Variants in ADGRA3 observed in about 807,000 individuals in gnomAD.
The protein encoded by ADGRA3 is adhesion G protein-coupled receptor A3.
A neutral mutation model predicts 119.8 loss-of-function variants in ADGRA3; 56 were observed. The ratio of observed to expected loss-of-function variants is 0.47; its 90% CI spans 0.38 to 0.58. The LOEUF (loss-of-function observed/expected upper bound fraction) is 0.58, where lower values mean the gene tolerates loss of function less well. Ranked by LOEUF, ADGRA3 falls within the 20% of genes least tolerant of loss-of-function variation. ADGRA3 has a pLI of 0.00. For synonymous variants in ADGRA3, 607 were observed against 623.8 expected (o/e 0.97, Z 0.40); for missense variants, 1,516 against 1,649.0 (o/e 0.92, Z 1.40).
intron 1 of ADGRA3, among the ~76,000 whole-genome samples, chr4:22,509,996 C>T (rs1719391268): frequency 1.7e-5 from 2 of 118,934 alleles, no homozygotes; most frequent in Admixed American, 1.1e-4. Context: ...GGCGACAGAG[C>T]GAGACTCCGT....
chr4:22,471,214 G>C (rs1717848781), intron 2 of ADGRA3, among the ~76,000 whole-genome samples: 2 of 152,138 alleles, frequency 1.3e-5, no homozygotes, highest in Non-Finnish European at 2.9e-5. Flanking sequence ...CACAGGAACA[G>C]AAAACCAACT....
chr4:22,429,130 A>G (rs1409256252), intron 10 of ADGRA3, among the ~76,000 whole-genome samples: 6 of 152,210 alleles, frequency 3.9e-5, no homozygotes, highest in Non-Finnish European at 8.8e-5. Context: ...AAAAAAACTG[A>G]ACAATAAATT....
chr4:22,483,925 C>T (rs1426498684), intron 1 of ADGRA3, among the ~76,000 whole-genome samples: 2 of 152,170 alleles, frequency 1.3e-5, no homozygotes, highest in African/African-American at 4.8e-5. Context: ...CAGGTCACAA[C>T]TGGTAAGCTG....
chr4:22,466,304 C>T (rs1352532501), intron 2 of ADGRA3, among the ~76,000 whole-genome samples: 1 of 152,186 alleles, frequency 6.6e-6, no homozygotes, highest in Non-Finnish European at 1.5e-5. Context: ...CCTCTCACCT[C>T]TAGACCTCTG....
Position 22,442,646 on chromosome 4 carries a change from T to G in ADGRA3, c.920+4A>C, listed in dbSNP as rs1311463741. 6.2e-7 allele frequency: 1 copy of G among 1,600,504 alleles called. No individual in the cohort carries two copies. Among genetic ancestry groups the G allele is most frequent in the East Asian group, 2.2e-5 (1 of 44,762 alleles). ...CTTCATTCAAAAAAAAAAAAAAAGT[T>G]TACCTTGCAATCAAGGAGCAGTTGT... On this transcript the variant is annotated splice_donor_region_variant and intron_variant, in intron 7 of 18. Coordinates refer to ENST00000334304, the MANE Select transcript of ADGRA3 (RefSeq NM_145290.4).
At chr4:22,497,274 A>C (rs1331300079) in intron 1 of ADGRA3, among the ~76,000 whole-genome samples, 1 of 152,220 alleles carries the variant, frequency 6.6e-6, no homozygotes, top group African/African-American at 2.4e-5. Context: ...CACACTGTCC[A>C]TAAAGTCTGG....
At chr4:22,398,028 G>A (rs1714440241) in intron 16 of ADGRA3, 3 of 974,212 alleles carry the variant, frequency 3.1e-6, no homozygotes, top group Non-Finnish European at 3.7e-6. Flanking sequence ...TGAAGAAGAG[G>A]AGAAAGACTG....
At position 22,389,101 on chromosome 4, in the gene ADGRA3, G is replaced by C. The variant is rs1352247777; in HGVS notation, c.2710C>G (p.Pro904Ala). 1 of 1,613,708 alleles carries C rather than the reference G, an allele frequency of 6.2e-7. No homozygotes were observed. The highest frequency in any genetic ancestry group is 8.5e-7 in the Non-Finnish European group (1 of 1,179,754). Residue 904 changes from proline (P) to alanine (A), a missense_variant, in exon 18 of 19, where the codon CCA (proline) becomes GCA (alanine). Coordinates refer to ENST00000334304, the MANE Select transcript of ADGRA3 (RefSeq NM_145290.4). ...AANIKNYGSR[P>A]NAPYCWMAWE... ...TAAAATACTCACTAGGGTGCGTTTG[G>C]CCGACTGCCGTAATTCTTAATGTTC... is the stretch of plus-strand genomic sequence containing the variant.
chr4:22,403,490 C>G (rs1714759276), intron 14 of ADGRA3, among the ~76,000 whole-genome samples: 2 of 152,164 alleles, frequency 1.3e-5, no homozygotes, highest in East Asian at 3.9e-4. Context: ...GTAATCCCAG[C>G]ACTTTAGGAG....
In ADGRA3 at chr4:22,388,503, C is replaced by T. The variant is rs560274947; in HGVS notation, c.3168G>A (p.Ala1056=). 1.9e-5 allele frequency: 31 copies of T among 1,614,054 alleles called. No homozygotes were observed. In the African/African-American group the frequency reaches 2.1e-4, roughly 11 times the overall value. The change falls in exon 19 of 19, where the codon GCG becomes GCA. Residue 1056 remains alanine (A), a synonymous_variant. Transcript: ENST00000334304. ...HCVNREDVRL[A]WIMTCCPGRS... ...GTCCTGGGCAGCAAGTCATGATCCA[C>T]GCAAGTCTAACATCCTCCCTATTAA...
chr4:22,461,711 C>G (rs545367903), intron 3 of ADGRA3, 26 bp downstream of exon 3: 15 of 1,504,798 alleles, frequency 1.0e-5, no homozygotes, highest in Admixed American at 1.8e-5. Context: ...AATTCAAACT[C>G]GTAAGCAAGC....
intron 1 of ADGRA3, among the ~76,000 whole-genome samples, chr4:22,479,688 C>T (rs1420099621): frequency 6.6e-6 from 1 of 152,140 alleles, no homozygotes. Flanking sequence ...TATAGAGACA[C>T]ATGCACACGT....
At chr4:22,452,562 CATAACAGGTATAAG>C (rs1188821360) in intron 4 of ADGRA3, among the ~76,000 whole-genome samples, 1 of 152,116 alleles carries the variant, frequency 6.6e-6, no homozygotes, top group African/African-American at 2.4e-5. Context: ...TATACATTCT[CATAACAGGTATAAG>C]ATAACTGGTA....
chr4:22,515,713 CAGCGCTAACAGCGAG>C lies in ADGRA3; in HGVS notation c.57_71del (p.Ser20_Leu24del), dbSNP rs1326579091. ...CGCCGCCGCCTCCCAGCAGCGCGAGCAGCGCTAACAGCGAGAGCGGCAGCAACAGCGGCGGCTGCG... is the reference window on the plus strand; with the variant it reads ...CGCCGCCGCCTCCCAGCAGCGCGAGCAGCGGCAGCAACAGCGGCGGCTGCG... On this transcript the variant is annotated inframe_deletion, in exon 1 of 19. Coordinates refer to ENST00000334304, the MANE Select transcript of ADGRA3 (RefSeq NM_145290.4). The C allele has an allele frequency of 1.9e-6, 2 of 1,052,982 alleles. No individual in the cohort carries two copies. Among genetic ancestry groups the C allele is most frequent in the Non-Finnish European group, 2.3e-6 (2 of 878,386 alleles). The allele number at this position is 1,052,982 out of a possible 1,614,324, so 65.2% of individuals were successfully genotyped here.
intron 16 of ADGRA3, among the ~76,000 whole-genome samples, chr4:22,398,889 T>C (rs1373377103): frequency 6.6e-6 from 1 of 152,178 alleles, no homozygotes; most frequent in African/African-American, 2.4e-5. Flanking sequence ...GCAAGGTTAC[T>C]CTGAGTACAG....
intron 16 of ADGRA3, chr4:22,398,155 T>A (rs1235059707): frequency 3.1e-6 from 3 of 977,836 alleles, no homozygotes; most frequent in African/African-American, 3.5e-5. Context: ...CAAAAATATA[T>A]CACACAGATG....
chr4:22,417,049 C>G (rs558807863), intron 12 of ADGRA3, among the ~76,000 whole-genome samples: 18 of 152,186 alleles, frequency 1.2e-4, no homozygotes, highest in African/African-American at 3.4e-4. Context: ...CAATAAAATA[C>G]TAATTTATCT....
chr4:22,482,930 C>T (rs1179595050), intron 1 of ADGRA3, among the ~76,000 whole-genome samples: 2 of 152,150 alleles, frequency 1.3e-5, no homozygotes, highest in South Asian at 2.1e-4. Context: ...GATCTGCCTC[C>T]GTCAATTTTC....
At chr4:22,491,195 T>C (rs980415711) in intron 1 of ADGRA3, among the ~76,000 whole-genome samples, 1 of 152,206 alleles carries the variant, frequency 6.6e-6, no homozygotes, top group African/African-American at 2.4e-5. Flanking sequence ...TTTGTTTAAA[T>C]GTAAGGCTGT....
Sources: gnomAD v4.1 joint callset for allele counts (sites outside exome capture counted in the v4.1 genomes callset) on GRCh38, gnomAD v4.1.1 for gene constraint, MANE v1.5 for transcripts, NCBI Gene and HGNC (gene_info 2026-07-23, HGNC 2026-07-21) for gene names.